Variants in ALG5 observed in about 807,000 individuals in gnomAD.
The protein encoded by ALG5 is dolichyl-phosphate beta-glucosyltransferase.
A neutral mutation model predicts 51.8 loss-of-function variants in ALG5; 26 were observed. That is an observed-to-expected ratio of 0.50 (90% CI 0.37 to 0.70). The LOEUF is 0.70. ALG5 is among the 30% of genes least tolerant of loss of function. The pLI, the probability that ALG5 is intolerant of heterozygous loss-of-function variation, is 0.00. For synonymous variants in ALG5, 141 were observed against 136.1 expected, an observed-to-expected ratio of 1.04 and a Z score of -0.25; for missense variants, 311 against 399.3, an observed-to-expected ratio of 0.78 and a Z score of 1.88.
At chr13:36,957,666 C>T (rs984028467) in intron 8 of ALG5, among the ~76,000 whole-genome samples, 6 of 152,134 alleles carry the variant, frequency 3.9e-5, no homozygotes, top group Non-Finnish European at 8.8e-5. Context: ...GAAACTCTCC[C>T]CAAAAAGCGG....
chr13:36,961,370 A>ACTCCAGCCTGAGTGACATGAGACCCC (rs2138786642), intron 8 of ALG5, among the ~76,000 whole-genome samples: 1 of 152,268 alleles, frequency 6.6e-6, no homozygotes, highest in Admixed American at 6.5e-5. Flanking sequence ...AGCCATGTTC[A>ACTCCAGCCTGAGTGACATGAGACCCC]CTCCAGCCTG....
intron 8 of ALG5, among the ~76,000 whole-genome samples, chr13:36,960,019 T>C (rs1446070993): frequency 6.6e-6 from 1 of 151,814 alleles, no homozygotes; most frequent in Admixed American, 6.6e-5. Flanking sequence ...TGAACATGAG[T>C]AAGTAACAGA....
chr13:36,950,000 A>G lies in ALG5; in HGVS notation c.917T>C (p.Ile306Thr). The G allele has an allele frequency of 6.2e-6, 10 of 1,613,598 alleles. No homozygotes were observed. Among genetic ancestry groups the G allele is most frequent in the Non-Finnish European group, 8.5e-6 (10 of 1,179,858 alleles). Residue 306 changes from isoleucine to threonine, a missense_variant, in exon 10 of 10, where the codon ATA becomes ACA. Transcript: ENST00000239891. Reference sequence around the variant, plus strand: ...GGCACCAGTCAAATATCGAAGTCGTATAAAAAGTAGGTCTTTACCCATTTG... The same window carrying G: ...GGCACCAGTCAAATATCGAAGTCGTGTAAAAAGTAGGTCTTTACCCATTTG... ...WLQMGKDLLF[I>T]RLRYLTGAWR...
chr13:36,978,332 A>G (rs1193702824), intron 6 of ALG5, among the ~76,000 whole-genome samples: 9 of 151,410 alleles, frequency 5.9e-5, no homozygotes, highest in African/African-American at 2.2e-4. Context: ...GATTATGGGC[A>G]CGTGCCACCA....
chr13:36,995,512 C>A lies in ALG5; in HGVS notation c.151G>T (p.Gly51Cys), dbSNP rs771379295. 6.2e-7 allele frequency: 1 copy of A among 1,605,786 alleles called. No individual in the cohort carries two copies. The highest frequency in any genetic ancestry group is 1.7e-5 in the Admixed American group (1 of 57,570). ...EEEKFFLNAK[G>C]QKETLPSIWD... ...ATGCTGGGTAAAGTTTCTTTCTGGC[C>A]TTTGGCATTTAAGAAGAATTTCTCT... The change falls in exon 2 of 10, where the codon GGC (glycine) becomes TGC (cysteine). Residue 51 changes from glycine (G) to cysteine (C), a missense_variant. Gly to Cys is a radical substitution (Grantham distance 159). Coordinates refer to ENST00000239891, the MANE Select transcript of ALG5 (RefSeq NM_013338.5).
At chr13:36,999,153 G>T in intron 1 of ALG5, 82 bp downstream of exon 1, 2 of 1,295,664 alleles carry the variant, frequency 1.5e-6, no homozygotes, top group Non-Finnish European at 2.1e-6. Flanking sequence ...CTGGTAGCGC[G>T]GAGGAGGGGA....
intron 6 of ALG5, among the ~76,000 whole-genome samples, chr13:36,983,966 T>C (rs1045614291): frequency 7.2e-5 from 11 of 152,136 alleles, no homozygotes; most frequent in Non-Finnish European, 1.6e-4. Context: ...TTGTGTTGTT[T>C]GGTTTGGTTT....
intron 8 of ALG5, among the ~76,000 whole-genome samples, chr13:36,963,598 G>A (rs964985566): frequency 3.3e-5 from 5 of 151,642 alleles, no homozygotes; most frequent in Admixed American, 6.6e-5. Context: ...TTAACTATGA[G>A]TTTATTTTAT....
At chr13:36,950,580 CTTTT>C (rs2058813704) in intron 9 of ALG5, among the ~76,000 whole-genome samples, 1 of 53,856 alleles carries the variant, frequency 1.9e-5, no homozygotes, top group Non-Finnish European at 3.6e-5. Flanking sequence ...ACAGCAGATT[CTTTT>C]TTTGTTTTTT....
intron 6 of ALG5, among the ~76,000 whole-genome samples, chr13:36,972,575 G>A (rs2058929397): frequency 6.6e-6 from 1 of 152,070 alleles, no homozygotes; most frequent in Non-Finnish European, 1.5e-5. Context: ...TATAAGAAAG[G>A]TAGAAAGTTT....
At chr13:36,977,702 G>T (rs1223146279) in intron 6 of ALG5, among the ~76,000 whole-genome samples, 1 of 134,818 alleles carries the variant, frequency 7.4e-6, no homozygotes, top group Non-Finnish European at 1.6e-5. Flanking sequence ...TAAGGCATGA[G>T]AATTGCTTGA....
At chr13:36,970,418 A>G (rs2058916841) in intron 7 of ALG5, among the ~76,000 whole-genome samples, 1 of 151,532 alleles carries the variant, frequency 6.6e-6, no homozygotes, top group South Asian at 2.1e-4. Flanking sequence ...TCGAGACCAA[A>G]TGGTGAAACT....
At position 36,998,857 on chromosome 13, in the gene ALG5, G is replaced by C. The variant is rs188604981; in HGVS notation, c.66+378C>G. On this transcript the variant is annotated intron_variant, in intron 1 of 9. Coordinates refer to ENST00000239891, the MANE Select transcript of ALG5 (RefSeq NM_013338.5). ...CTTCTGGGGGCTCGAGACCTCCCTGGGTGGAGCAGAACTGCAGCGGCTGCA... is the reference window on the plus strand; with the variant it reads ...CTTCTGGGGGCTCGAGACCTCCCTGCGTGGAGCAGAACTGCAGCGGCTGCA... 12 of 195,160 alleles carry C rather than the reference G, an allele frequency of 6.1e-5. No homozygotes were observed. The Admixed American group carries it at 7.3e-4, about 12-fold the overall frequency. The allele number at this position is 195,160 out of a possible 1,614,324, so 12.1% of individuals were successfully genotyped here.
intron 7 of ALG5, among the ~76,000 whole-genome samples, chr13:36,967,240 A>C (rs1480497323): frequency 6.6e-6 from 1 of 151,772 alleles, no homozygotes; most frequent in Non-Finnish European, 1.5e-5. Context: ...AAAAAAAAGA[A>C]AAAAAGAAAA....
intron 9 of ALG5, among the ~76,000 whole-genome samples, chr13:36,952,038 G>A (rs1299949628): frequency 3.3e-5 from 5 of 152,018 alleles, no homozygotes; most frequent in South Asian, 2.1e-4. Context: ...CCACCCCCTC[G>A]GTCTCCGAAA....
chr13:36,978,773 G>A (rs1011846820), intron 6 of ALG5, among the ~76,000 whole-genome samples: 2 of 151,352 alleles, frequency 1.3e-5, no homozygotes, highest in Admixed American at 6.6e-5. Context: ...AAAGTTAGCC[G>A]GGCCTGGTGG....
At chr13:36,958,964 T>A (rs982987632) in intron 8 of ALG5, among the ~76,000 whole-genome samples, 1 of 151,886 alleles carries the variant, frequency 6.6e-6, no homozygotes, top group Non-Finnish European at 1.5e-5. Flanking sequence ...TTTCACTCTA[T>A]TAAATCTTGC....
chr13:36,980,924 A>C (rs1026947643), intron 6 of ALG5, among the ~76,000 whole-genome samples: 4 of 152,158 alleles, frequency 2.6e-5, no homozygotes, highest in Non-Finnish European at 5.9e-5. Context: ...CAGTGAGCTG[A>C]GATTGAGCCA....
intron 5 of ALG5, 79 bp downstream of exon 5, chr13:36,989,405 G>T: frequency 9.7e-7 from 1 of 1,029,158 alleles, no homozygotes; most frequent in Non-Finnish European, 1.5e-6. Context: ...TCAAGCAGTG[G>T]GCAAACATAC....
Sources: allele counts gnomAD v4.1 joint callset (sites outside exome capture counted in the v4.1 genomes callset), GRCh38; gene constraint gnomAD v4.1.1; transcripts MANE v1.5; gene names NCBI Gene and HGNC (gene_info 2026-07-23, HGNC 2026-07-21).